The following CHD2 variants were observed in gnomAD, a reference collection of about 807,000 sequenced individuals.
The protein encoded by CHD2 is ATP-dependent chromatin remodeler CHD2.
CHD2 carries 28 observed loss-of-function variants against 243.9 expected under a neutral mutation model. That is an observed-to-expected ratio of 0.11 (90% CI 0.09 to 0.16). CHD2 has a LOEUF of 0.16. Ranked by LOEUF, CHD2 falls within the 10% of genes least tolerant of loss-of-function variation. The pLI, the probability that CHD2 is intolerant of heterozygous loss-of-function variation, is 1.00. For synonymous variants in CHD2, 775 were observed against 779.0 expected (o/e 0.99, Z 0.09); for missense variants, 1,386 against 2,209.8 (o/e 0.63, Z 7.47).
At chr15:92,943,154 A>G (rs1490124421) in intron 9 of CHD2, 86 bp downstream of exon 9, 2 of 1,032,866 alleles carry the variant, frequency 1.9e-6, no homozygotes, top group East Asian at 2.6e-5. Flanking sequence ...GATCACAGCT[A>G]TCTAGAATCT....
At chr15:92,959,293 G>A (rs920430538) in intron 16 of CHD2, among the ~76,000 whole-genome samples, 4 of 152,132 alleles carry the variant, frequency 2.6e-5, no homozygotes, top group Non-Finnish European at 5.9e-5. Flanking sequence ...AGTAGAATTT[G>A]GGAAATTGTT....
intron 3 of CHD2, among the ~76,000 whole-genome samples, chr15:92,926,234 G>A (rs2053059111): frequency 6.6e-6 from 1 of 152,168 alleles, no homozygotes; most frequent in African/African-American, 2.4e-5. Flanking sequence ...GGACCTCCCA[G>A]GGTGGTGGGA....
chr15:93,024,231 T>G (rs983856068), intron 38 of CHD2, 141 bp from the exon 39 acceptor site: 2 of 722,032 alleles, frequency 2.8e-6, no homozygotes, highest in Non-Finnish European at 4.6e-6. Flanking sequence ...AATGACTCTG[T>G]TATTAATTTT....
intron 13 of CHD2, among the ~76,000 whole-genome samples, chr15:92,952,827 T>C (rs983189812): frequency 3.3e-5 from 5 of 152,208 alleles, no homozygotes; most frequent in Non-Finnish European, 4.4e-5. Context: ...TCCACAAGTA[T>C]GATCTGTAGC....
intron 13 of CHD2, among the ~76,000 whole-genome samples, chr15:92,951,018 T>C (rs1013522048): frequency 6.6e-6 from 1 of 152,218 alleles, no homozygotes; most frequent in Non-Finnish European, 1.5e-5. Flanking sequence ...CTAATTCATC[T>C]AAATGACAGT....
At chr15:92,936,983 T>C (rs1244043426) in intron 5 of CHD2, among the ~76,000 whole-genome samples, 1 of 152,158 alleles carries the variant, frequency 6.6e-6, no homozygotes, top group African/African-American at 2.4e-5. Context: ...GCCTCCTTAG[T>C]AACTAGGACT....
chr15:92,980,962 G>A (rs184688454), intron 23 of CHD2, 51 bp downstream of exon 23: 12 of 1,220,802 alleles, frequency 9.8e-6, no homozygotes, highest in East Asian at 2.3e-5. Context: ...TGATCTGTGA[G>A]AGTCTAACTT....
chr15:92,958,296 G>A (rs947104177), intron 16 of CHD2, among the ~76,000 whole-genome samples: 4 of 152,182 alleles, frequency 2.6e-5, no homozygotes, highest in East Asian at 1.9e-4. Context: ...GATTCTAGCC[G>A]TTCTGGCGAA....
At chr15:92,932,835 G>GCAACC (rs11268912) in intron 5 of CHD2, among the ~76,000 whole-genome samples, 118,332 of 151,878 alleles carry the variant, frequency 0.78, 47,290 homozygotes, top group East Asian at 1. Context: ...TCAGCTCACT[G>GCAACC]TGACTCAAGT....
At chr15:92,920,676 T>G (rs1450130384) in intron 2 of CHD2, among the ~76,000 whole-genome samples, 3 of 152,202 alleles carry the variant, frequency 2.0e-5, no homozygotes. Flanking sequence ...TGTAGACCTG[T>G]TGTCTGTGAC....
At chr15:92,904,964 G>A (rs1386592278) in intron 2 of CHD2, 4 of 1,535,840 alleles carry the variant, frequency 2.6e-6, no homozygotes, top group Admixed American at 2.0e-5. Flanking sequence ...TTTTTACTTG[G>A]TACCGTACAT....
chr15:92,933,986 T>G (rs948509877), intron 5 of CHD2, among the ~76,000 whole-genome samples: 2 of 152,208 alleles, frequency 1.3e-5, no homozygotes, highest in Non-Finnish European at 2.9e-5. Flanking sequence ...CAGATTTCTG[T>G]TGATCATTGG....
chr15:92,974,791 C>G (rs2053886065), intron 19 of CHD2, 88 bp from the exon 20 acceptor site: 1 of 1,171,958 alleles, frequency 8.5e-7, no homozygotes, highest in African/African-American at 1.5e-5. Flanking sequence ...AGTGGGTGTT[C>G]AGGTGATAAA....
intron 9 of CHD2, chr15:92,944,151 T>A (rs997016704): frequency 9.1e-6 from 2 of 220,752 alleles, no homozygotes; most frequent in Non-Finnish European, 1.8e-5. Context: ...TATTTTTGGG[T>A]CTCTTTTTAG....
rs1266236808 is a variant in CHD2 at position 92,900,678 on chromosome 15, T to A, written c.-218T>A. On this transcript the variant is annotated 5_prime_UTR_variant, in exon 1 of 39. Coordinates refer to ENST00000394196, the MANE Select transcript of CHD2 (RefSeq NM_001271.4). Reference sequence around the variant, plus strand: ...TTTTAGTATTAATTATTGCTTTATTTTTTTGACCAGTTAACATATTTGAGG... The same window carrying A: ...TTTTAGTATTAATTATTGCTTTATTATTTTGACCAGTTAACATATTTGAGG... 7.5e-6 allele frequency: 3 copies of A among 398,494 alleles called. No individual in the cohort carries two copies. Among genetic ancestry groups the A allele is most frequent in the Non-Finnish European group, 1.3e-5 (3 of 226,134 alleles). The allele number at this position is 398,494 out of a possible 1,614,324, so 24.7% of individuals were successfully genotyped here.
At chr15:92,901,362 A>C in intron 2 of CHD2, 63 bp downstream of exon 2, 1 of 956,304 alleles carries the variant, frequency 1.0e-6, no homozygotes, top group South Asian at 1.4e-5. Context: ...TCAGCTTACA[A>C]TTGTTTACCT....
intron 37 of CHD2, among the ~76,000 whole-genome samples, chr15:93,017,462 A>G (rs1296877749): frequency 7.0e-6 from 1 of 142,328 alleles, no homozygotes; most frequent in African/African-American, 2.6e-5. Context: ...AGTAGCTGGG[A>G]TTACAGGCAC....
chr15:92,992,943 C>G lies in CHD2; in HGVS notation c.3540C>G (p.Ser1180Arg). Residue 1180 changes from serine to arginine, a missense_variant, in exon 28 of 39, where the codon AGC (serine) becomes AGG (arginine). Physicochemically the swap from Ser to Arg is moderately radical, Grantham distance 110. Coordinates refer to ENST00000394196, the MANE Select transcript of CHD2 (RefSeq NM_001271.4). ...GCCTGGGTGAACTGATCCACAACAG[C>G]TGTGTGTCAGCAATGCAGGAATACG... is the stretch of plus-strand genomic sequence containing the variant. ...LKRLGELIHN[S>R]CVSAMQEYEE... 6.2e-7 allele frequency: 1 copy of G among 1,614,088 alleles called. No homozygotes were observed. Among genetic ancestry groups the G allele is most frequent in the Non-Finnish European group, 8.5e-7 (1 of 1,180,018 alleles).
chr15:92,946,748 A>G (rs1449989428), intron 12 of CHD2: 1 of 152,400 alleles, frequency 6.6e-6, no homozygotes, highest in Admixed American at 6.5e-5. Flanking sequence ...TTGGCCTCCC[A>G]AAGTGCTGGG....
Sources: gnomAD v4.1 joint callset for allele counts (sites outside exome capture counted in the v4.1 genomes callset) on GRCh38, gnomAD v4.1.1 for gene constraint, MANE v1.5 for transcripts, NCBI Gene and HGNC (gene_info 2026-07-23, HGNC 2026-07-21) for gene names.